The following GPHN variants were observed in gnomAD, a reference collection of about 807,000 sequenced individuals.
The protein encoded by GPHN is gephyrin.
A neutral mutation model predicts 95.5 loss-of-function variants in GPHN; 17 were observed. The observed-to-expected ratio is 0.18, with a 90% CI of 0.12 to 0.27. GPHN has a LOEUF of 0.27. GPHN is among the 10% of genes least tolerant of loss of function. The probability of loss-of-function intolerance (pLI) is 1.00; values close to 1 mark genes in which losing one functional copy is unlikely to be tolerated. For missense variants in GPHN, 660 were observed against 978.1 expected (o/e 0.67, Z 4.34); for synonymous variants, 320 against 322.5 (o/e 0.99, Z 0.08).
chr14:67,548,336 C>T, the GPHN span, among the ~76,000 whole-genome samples: 1 of 152,148 alleles, frequency 6.6e-6, no homozygotes, highest in Non-Finnish European at 1.5e-5. Context: ...AATATTAGAA[C>T]TAATACAAGG....
At chr14:67,385,822 T>C in the GPHN span, 1 of 152,064 alleles carries the variant, frequency 6.6e-6, no homozygotes, top group Non-Finnish European at 1.5e-5. Context: ...GACAAACCAG[T>C]TCTTAATAAT....
the GPHN span, among the ~76,000 whole-genome samples, chr14:67,622,851 A>G: frequency 6.6e-6 from 1 of 152,210 alleles, no homozygotes; most frequent in African/African-American, 2.4e-5. Context: ...GGAGACCTCT[A>G]TAACAATCAG....
At chr14:66,961,146 C>G (rs2068874104) in intron 8 of GPHN, among the ~76,000 whole-genome samples, 1 of 151,996 alleles carries the variant, frequency 6.6e-6, no homozygotes, top group Non-Finnish European at 1.5e-5. Context: ...GTACTACAGA[C>G]CTGTATTGGA....
At chr14:67,393,109 C>T in the GPHN span, 1 of 1,431,394 alleles carries the variant, frequency 7.0e-7, no homozygotes, top group Non-Finnish European at 9.9e-7. Flanking sequence ...TCACCATGTC[C>T]CAGCTTGACT....
chr14:66,679,141 C>T (rs2066791514), intron 1 of GPHN, among the ~76,000 whole-genome samples: 1 of 152,138 alleles, frequency 6.6e-6, no homozygotes, highest in African/African-American at 2.4e-5. Flanking sequence ...TGTAGCAGGC[C>T]CTGGTTGAGC....
chr14:67,180,625 T>A (rs1189038387), intron 22 of GPHN, among the ~76,000 whole-genome samples, 179 bp from the exon 23 acceptor site: 1 of 152,212 alleles, frequency 6.6e-6, no homozygotes. Flanking sequence ...AAAGTTTGAA[T>A]GAGAAGGTGG....
At chr14:67,633,846 C>G in the GPHN span, among the ~76,000 whole-genome samples, 1 of 152,226 alleles carries the variant, frequency 6.6e-6, no homozygotes, top group South Asian at 2.1e-4. Context: ...TTCCTCCTCT[C>G]TTATTCCTGG....
At chr14:67,636,096 C>T in the GPHN span, among the ~76,000 whole-genome samples, 7 of 151,898 alleles carry the variant, frequency 4.6e-5, no homozygotes, top group African/African-American at 7.3e-5. Context: ...ACTAAGAGGC[C>T]CCTAGCTTTT....
the GPHN span, among the ~76,000 whole-genome samples, chr14:67,272,712 G>A: frequency 6.6e-6 from 1 of 152,138 alleles, no homozygotes; most frequent in Non-Finnish European, 1.5e-5. Context: ...AGGCTGGAGC[G>A]CAGTGGCACG....
the GPHN span, among the ~76,000 whole-genome samples, chr14:67,548,784 C>A: frequency 6.6e-6 from 1 of 152,234 alleles, no homozygotes; most frequent in Admixed American, 6.5e-5. Flanking sequence ...TTTACCAAGT[C>A]CAGTTCCAGT....
chr14:67,338,868 AAAAC>A, the GPHN span: 2 of 895,550 alleles, frequency 2.2e-6, no homozygotes, highest in Admixed American at 5.7e-5. Flanking sequence ...TACCTAGAAA[AAAAC>A]CTGGTACTTT....
the GPHN span, among the ~76,000 whole-genome samples, chr14:67,574,780 G>C: frequency 3.3e-5 from 5 of 152,106 alleles, no homozygotes; most frequent in African/African-American, 1.2e-4. This position sits in a 1 kb window ranked among gnomAD's most constrained non-coding sequence, Gnocchi z 4.2. Context: ...AGTATCCCAG[G>C]CCTGCCCTAA....
chr14:67,612,084 G>A, the GPHN span, among the ~76,000 whole-genome samples: 1 of 152,208 alleles, frequency 6.6e-6, no homozygotes, highest in Admixed American at 6.5e-5. Flanking sequence ...GACAGGAGGT[G>A]GAGCTCAGGT....
the GPHN span, among the ~76,000 whole-genome samples, chr14:67,232,590 G>A: frequency 6.6e-6 from 1 of 152,126 alleles, no homozygotes; most frequent in African/African-American, 2.4e-5. Context: ...AAAAGAGCTT[G>A]TCCTTCTGTG....
At chr14:67,639,702 C>T in the GPHN span, among the ~76,000 whole-genome samples, 1 of 152,128 alleles carries the variant, frequency 6.6e-6, no homozygotes, top group East Asian at 1.9e-4. Context: ...AGGTGGATCA[C>T]TTGCGGTCAG....
the GPHN span, among the ~76,000 whole-genome samples, chr14:67,259,617 A>G: frequency 2.0e-5 from 3 of 151,970 alleles, no homozygotes; most frequent in African/African-American, 7.3e-5. Flanking sequence ...CTCTAAATAA[A>G]TACATGAATG....
At chr14:66,819,639 GT>G (rs948305081) in intron 3 of GPHN, among the ~76,000 whole-genome samples, 2 of 151,138 alleles carry the variant, frequency 1.3e-5, no homozygotes, top group African/African-American at 4.9e-5. Flanking sequence ...TTTTGTTTTT[GT>G]TTTTTTGCTT....
chr14:67,062,778 T>A (rs1050957305), intron 11 of GPHN, among the ~76,000 whole-genome samples: 10 of 152,338 alleles, frequency 6.6e-5, no homozygotes, highest in African/African-American at 2.4e-4. Flanking sequence ...GGTTTTTTTC[T>A]TGTAAATTTG....
the GPHN span, among the ~76,000 whole-genome samples, chr14:67,422,826 CTTTTTTTTTT>C: frequency 1.7e-5 from 2 of 115,854 alleles, no homozygotes; most frequent in African/African-American, 6.8e-5. Flanking sequence ...CTTTCCCCAT[CTTTTTTTTTT>C]TTTTTTTTTT....
Sources: allele counts gnomAD v4.1 joint callset (sites outside exome capture counted in the v4.1 genomes callset), GRCh38; gene constraint gnomAD v4.1.1; non-coding constraint Gnocchi (gnomAD v3.1); transcripts MANE v1.5; gene names NCBI Gene and HGNC (gene_info 2026-07-23, HGNC 2026-07-21).